Variants in HIPK2 observed in about 807,000 individuals in gnomAD.
HIPK2 encodes the protein homeodomain interacting protein kinase 2, also known as homeodomain-interacting protein kinase 2.
A neutral mutation model predicts 113.7 loss-of-function variants in HIPK2; 27 were observed. The ratio of observed to expected loss-of-function variants is 0.24; its 90% CI spans 0.17 to 0.33. The LOEUF (loss-of-function observed/expected upper bound fraction) is 0.33, where lower values mean the gene tolerates loss of function less well. Among genes scored for constraint, HIPK2 ranks in the 10% least tolerant of loss-of-function variants. The pLI, the probability that HIPK2 is intolerant of heterozygous loss-of-function variation, is 1.00. For synonymous variants in HIPK2, 631 were observed against 642.2 expected, an observed-to-expected ratio of 0.98 and a Z score of 0.26; for missense variants, 1,257 against 1,588.0, an observed-to-expected ratio of 0.79 and a Z score of 3.54.
In HIPK2 at chr7:139,645,699, C is replaced by T. The variant is rs552709961; in HGVS notation, c.1104-13974G>A. On this transcript the variant is annotated intron_variant, in intron 2 of 14. Transcript: ENST00000406875. ...CCAGGTGGATGAGGCTGGCCTTGCT[C>T]TCTGGAGACGTGCACGCCATCAAAC... Among the ~76,000 whole-genome samples, 5 of 152,260 alleles carry T rather than the reference C, an allele frequency of 3.3e-5. No individual in the cohort carries two copies. The South Asian group carries it at 1.0e-3, about 32-fold the overall frequency.
chr7:139,634,396 C>T (rs996778129), intron 2 of HIPK2, among the ~76,000 whole-genome samples: 4 of 152,018 alleles, frequency 2.6e-5, no homozygotes, highest in Non-Finnish European at 5.9e-5. Context: ...TTGTCAGGGG[C>T]CACTCTTACT....
Position 139,667,872 on chromosome 7 carries a change from C to T in HIPK2, c.1104-36147G>A, listed in dbSNP as rs143387353. ...GGGAGCGGTGGCTCGCACCTGTAAT[C>T]CCAGCAGCACTTTGGGAGGCCGAGA... On this transcript the variant is annotated intron_variant, in intron 2 of 14. Transcript: ENST00000406875. Among the ~76,000 whole-genome samples, 243 of 152,100 alleles carry T rather than the reference C, an allele frequency of 1.6e-3. 2 individuals carry two copies. The highest frequency in any genetic ancestry group is 5.5e-3 in the African/African-American group (228 of 41,496).
chr7:139,621,858 G>A (rs915706366), intron 6 of HIPK2, among the ~76,000 whole-genome samples: 1 of 149,502 alleles, frequency 6.7e-6, no homozygotes, highest in Admixed American at 6.7e-5. Context: ...GTGAGGTCGA[G>A]GCTACAGTGA....
chr7:139,644,607 G>A lies in HIPK2; in HGVS notation c.1104-12882C>T, dbSNP rs567103083. On this transcript the variant is annotated intron_variant, in intron 2 of 14. Transcript: ENST00000406875. ...TCCTTTTGTTGACTGTTTTTCTTCC[G>A]ATTCATTGTTAGTCTGTTGACTGAA... 5.9e-5 allele frequency among the ~76,000 whole-genome samples: 9 copies of A among 152,310 alleles called. No homozygotes were observed. In the South Asian group the frequency reaches 1.7e-3, roughly 28 times the overall value.
In HIPK2 at chr7:139,566,959, G is replaced by C. The variant is rs1357011571; in HGVS notation, c.*5968C>G. ...TTCTCTGCAAACTCTCACTGGGTTTGAGGGAAGAACGGCCTGGAGTTCTTT... is the reference window on the plus strand; with the variant it reads ...TTCTCTGCAAACTCTCACTGGGTTTCAGGGAAGAACGGCCTGGAGTTCTTT... On this transcript the variant is annotated 3_prime_UTR_variant, in exon 15 of 15. Coordinates refer to ENST00000406875, the MANE Select transcript of HIPK2 (RefSeq NM_022740.5). The surrounding 1 kb of genome is among the most constrained non-coding windows in gnomAD (Gnocchi z 4.1). 6.6e-6 allele frequency: 1 copy of C among 152,214 alleles called. No homozygotes were observed. Among genetic ancestry groups the C allele is most frequent in the Admixed American group, 6.5e-5 (1 of 15,282 alleles). 9.4% of individuals were successfully genotyped at this position (152,214 alleles called of 1,614,324 possible). A position where few individuals can be genotyped will look rare whatever the true frequency, so the allele number is the denominator to read the frequency against.
At chr7:139,730,713 C>T (rs1050304694) in intron 1 of HIPK2, among the ~76,000 whole-genome samples, 2 of 150,558 alleles carry the variant, frequency 1.3e-5, no homozygotes, top group Admixed American at 6.6e-5. Context: ...ATGTGTCCTC[C>T]CAAAAGATAT....
Position 139,615,065 on chromosome 7 carries a change from G to A in HIPK2, c.1783-572C>T, listed in dbSNP as rs531996083. Among the ~76,000 whole-genome samples, 3 of 152,326 alleles carry A rather than the reference G, an allele frequency of 2.0e-5. No homozygotes were observed. The South Asian group carries it at 6.2e-4, about 32-fold the overall frequency. Reference sequence around the variant, plus strand: ...TCCAAGCTCTGCTCACACTCCCCTCGGGCCTGGTGGGTGCAGTCCACATGT... The same window carrying A: ...TCCAAGCTCTGCTCACACTCCCCTCAGGCCTGGTGGGTGCAGTCCACATGT... On this transcript the variant is annotated intron_variant, in intron 7 of 14. Coordinates refer to ENST00000406875, the MANE Select transcript of HIPK2 (RefSeq NM_022740.5).
chr7:139,574,707 C>T (rs1056175163), intron 14 of HIPK2, among the ~76,000 whole-genome samples: 1 of 152,224 alleles, frequency 6.6e-6, no homozygotes, highest in African/African-American at 2.4e-5. Flanking sequence ...ACAAATCTTA[C>T]CCTTGACTTG....
At chr7:139,622,857 G>C (rs1328148379) in intron 6 of HIPK2, among the ~76,000 whole-genome samples, 1 of 152,190 alleles carries the variant, frequency 6.6e-6, no homozygotes, top group African/African-American at 2.4e-5. Context: ...TTGGGTCCCA[G>C]ATGAAGTTCT....
intron 1 of HIPK2, among the ~76,000 whole-genome samples, chr7:139,745,175 C>T (rs929002828): frequency 5.9e-5 from 9 of 152,210 alleles, no homozygotes; most frequent in African/African-American, 2.2e-4. Context: ...ATGCCAGCCT[C>T]ACATCCAGGT....
In HIPK2 at chr7:139,576,655, C is replaced by CT. The variant is rs1585228843; in HGVS notation, c.2966-1368dup. 2.0e-5 allele frequency among the ~76,000 whole-genome samples: 3 copies of CT among 152,182 alleles called. No homozygotes were observed. The East Asian group carries it at 5.8e-4, about 29-fold the overall frequency. On this transcript the variant is annotated intron_variant, in intron 13 of 14. Coordinates refer to ENST00000406875, the MANE Select transcript of HIPK2 (RefSeq NM_022740.5). ...AGGGACGGGGGTGGCAGGGAGAAGGCTGAGAGCGTGAATAAGGAGGAGGCA... is the reference window on the plus strand; with the variant it reads ...AGGGACGGGGGTGGCAGGGAGAAGGCTTGAGAGCGTGAATAAGGAGGAGGCA...
In HIPK2 at chr7:139,565,021, T is replaced by A. The variant is rs1463890646; in HGVS notation, c.*7906A>T. The stretch of plus-strand genomic sequence containing the variant: ...TTTTCAGAATTCACTTAAGCAACGA[T>A]GACCGGGGGTATGAAGTAATCATTA... On this transcript the variant is annotated 3_prime_UTR_variant, in exon 15 of 15. Coordinates refer to ENST00000406875, the MANE Select transcript of HIPK2 (RefSeq NM_022740.5). 2.0e-5 allele frequency: 3 copies of A among 152,202 alleles called. No homozygotes were observed. The allele number at this position is 152,202 out of a possible 1,614,324, so 9.4% of individuals were successfully genotyped here. A position where few individuals can be genotyped will look rare whatever the true frequency, so the allele number is the denominator to read the frequency against.
chr7:139,599,342 C>A lies in HIPK2; in HGVS notation c.2435+1075G>T, dbSNP rs112052925. 6.6e-5 allele frequency among the ~76,000 whole-genome samples: 10 copies of A among 152,228 alleles called. 1 individual carries two copies. The highest frequency in any genetic ancestry group is 5.9e-4 in the Admixed American group (9 of 15,290). Reference sequence around the variant, plus strand: ...TGACAAATGCACAGTCATAACCCCCCCTACAATCCAGACTTAGAGCTTTTC... The same window carrying A: ...TGACAAATGCACAGTCATAACCCCCACTACAATCCAGACTTAGAGCTTTTC... On this transcript the variant is annotated intron_variant, in intron 11 of 14. Transcript: ENST00000406875.
chr7:139,600,294 A>C, intron 11 of HIPK2, 123 bp downstream of exon 11: 1 of 1,118,812 alleles, frequency 8.9e-7, no homozygotes. Context: ...CAGGAAGAGG[A>C]GTGCCCCCAT....
chr7:139,739,748 T>G (rs1053258379), intron 1 of HIPK2, among the ~76,000 whole-genome samples: 1 of 152,124 alleles, frequency 6.6e-6, no homozygotes, highest in Non-Finnish European at 1.5e-5. Flanking sequence ...AAACCATGAA[T>G]CTCTACTTTC....
intron 13 of HIPK2, among the ~76,000 whole-genome samples, chr7:139,576,860 G>A (rs1798510008): frequency 6.6e-6 from 1 of 152,206 alleles, no homozygotes; most frequent in South Asian, 2.1e-4. Flanking sequence ...GCCGAGTGGG[G>A]GCCATCTCCC....
intron 1 of HIPK2, among the ~76,000 whole-genome samples, chr7:139,721,431 C>T (rs1218099800): frequency 6.6e-6 from 1 of 152,120 alleles, no homozygotes; most frequent in African/African-American, 2.4e-5. Context: ...GAGAGTTGAG[C>T]CCACAACGTA....
intron 12 of HIPK2, among the ~76,000 whole-genome samples, chr7:139,586,638 T>G (rs1346471426): frequency 1.3e-5 from 2 of 151,434 alleles, no homozygotes; most frequent in Non-Finnish European, 2.9e-5. Context: ...AGTATGGTGG[T>G]GCATGCCTGT....
At chr7:139,648,929 A>T (rs957332629) in intron 2 of HIPK2, among the ~76,000 whole-genome samples, 1 of 151,958 alleles carries the variant, frequency 6.6e-6, no homozygotes. Flanking sequence ...GGGCGGGTGG[A>T]GGGGGAAGCA....
Sources: allele counts gnomAD v4.1 joint callset (sites outside exome capture counted in the v4.1 genomes callset), GRCh38; gene constraint gnomAD v4.1.1; non-coding constraint Gnocchi (gnomAD v3.1); transcripts MANE v1.5; gene names NCBI Gene and HGNC (gene_info 2026-07-23, HGNC 2026-07-21).